The following TNS1 variants were observed in gnomAD, a reference collection of about 807,000 sequenced individuals.
TNS1 encodes tensin 1.
TNS1 carries 62 observed loss-of-function variants against 168.6 expected under a neutral mutation model. The ratio of observed to expected loss-of-function variants is 0.37; its 90% CI spans 0.30 to 0.45. The LOEUF (loss-of-function observed/expected upper bound fraction) is 0.45, where lower values mean the gene tolerates loss of function less well. TNS1 is among the 20% of genes least tolerant of loss of function. TNS1 has a pLI of 1.00. For synonymous variants in TNS1, 934 were observed against 933.2 expected (o/e 1.00, Z -0.02); for missense variants, 2,240 against 2,339.4 (o/e 0.96, Z 0.88).
In TNS1 at chr2:217,918,801, G is replaced by A. The variant is rs142065634; in HGVS notation, c.228+1394C>T. On this transcript the variant is annotated intron_variant, in intron 4 of 32. Transcript: ENST00000682258. Reference sequence around the variant, plus strand: ...TGGTGTCCCTCTGCAATCCAAGCGCGATTTCTTGCTGGCAGTTCCAAGCCC... The same window carrying A: ...TGGTGTCCCTCTGCAATCCAAGCGCAATTTCTTGCTGGCAGTTCCAAGCCC... Among the ~76,000 whole-genome samples the A allele has an allele frequency of 3.9e-3, 565 of 143,568 alleles. 6 individuals are homozygous for A. Among genetic ancestry groups the A allele is most frequent in the African/African-American group, 0.014 (541 of 39,544 alleles). 94.2% of individuals were successfully genotyped at this position (143,568 alleles called of 152,430 possible).
intron 3 of TNS1, among the ~76,000 whole-genome samples, chr2:217,951,441 A>C (rs1325895671): frequency 6.6e-6 from 1 of 152,238 alleles, no homozygotes; most frequent in Non-Finnish European, 1.5e-5. Context: ...TAATCCTGCC[A>C]GCACCCCATT....
intron 3 of TNS1, among the ~76,000 whole-genome samples, chr2:217,960,641 G>A (rs1347138238): frequency 6.6e-6 from 1 of 152,152 alleles, no homozygotes; most frequent in African/African-American, 2.4e-5. Flanking sequence ...CACCCCACCA[G>A]TGCGGGAAGG....
chr2:217,868,410 G>A (rs1253570441), intron 18 of TNS1, among the ~76,000 whole-genome samples: 2 of 152,170 alleles, frequency 1.3e-5, no homozygotes, highest in African/African-American at 4.8e-5. Context: ...AAGATTCACA[G>A]ACACCTAGTT....
chr2:217,833,456 C>T (rs1010620386), intron 21 of TNS1, among the ~76,000 whole-genome samples: 3 of 152,220 alleles, frequency 2.0e-5, no homozygotes, highest in Non-Finnish European at 2.9e-5. Context: ...GACTTCTCAC[C>T]GAGGTACCCA....
chr2:217,905,701 C>T (rs1863797), intron 6 of TNS1, among the ~76,000 whole-genome samples: 2,017 of 152,240 alleles, frequency 0.013, 30 homozygotes, highest in East Asian at 0.066. Context: ...GGGAGTCTGC[C>T]CCTGGGGTGT....
chr2:217,804,631 G>C (rs1559129997), intron 32 of TNS1, 28 bp from the exon 33 acceptor site: 3 of 1,612,996 alleles, frequency 1.9e-6, no homozygotes, highest in Non-Finnish European at 2.5e-6. Flanking sequence ...CAACGGGCAT[G>C]AGGGAAGGGC....
chr2:217,857,698 G>T (rs1331973598), intron 18 of TNS1, among the ~76,000 whole-genome samples: 3 of 152,180 alleles, frequency 2.0e-5, no homozygotes, highest in Non-Finnish European at 4.4e-5. Flanking sequence ...CAAGTGATCT[G>T]CCCTGCCCTG....
intron 2 of TNS1, among the ~76,000 whole-genome samples, chr2:217,983,088 A>C (rs1214278901): frequency 6.6e-6 from 1 of 152,154 alleles, no homozygotes; most frequent in Non-Finnish European, 1.5e-5. Flanking sequence ...GGAGACAGCC[A>C]GTCTGTGAGT....
Position 217,948,451 on chromosome 2 carries a change from C to A in TNS1, c.187-28215G>T, listed in dbSNP as rs886616068. Among the ~76,000 whole-genome samples the A allele has an allele frequency of 6.6e-6, 1 of 152,158 alleles. No homozygotes were observed. Among genetic ancestry groups the A allele is most frequent in the Non-Finnish European group, 1.5e-5 (1 of 68,000 alleles). On this transcript the variant is annotated intron_variant, in intron 3 of 32. Coordinates refer to ENST00000682258, the MANE Select transcript of TNS1 (RefSeq NM_001387777.1). The surrounding 1 kb of genome is among the most constrained non-coding windows in gnomAD (Gnocchi z 4.1). Reference sequence around the variant, plus strand: ...TTCTGGGCCTCTGAATCCTGCTAGGCCCAACACACCCCATAGGGAGCCAGG... The same window carrying A: ...TTCTGGGCCTCTGAATCCTGCTAGGACCAACACACCCCATAGGGAGCCAGG...
intron 1 of TNS1, among the ~76,000 whole-genome samples, chr2:218,025,875 T>C (rs960448758): frequency 1.3e-5 from 2 of 152,082 alleles, no homozygotes; most frequent in Non-Finnish European, 2.9e-5. Context: ...TCCACCTCCA[T>C]GGTTCCCTGT....
chr2:217,942,655 T>A (rs2125944892), intron 3 of TNS1, among the ~76,000 whole-genome samples: 1 of 152,150 alleles, frequency 6.6e-6, no homozygotes, highest in Non-Finnish European at 1.5e-5. Context: ...CCCCTACACC[T>A]TCCCCACTGC....
At chr2:218,020,751 T>C (rs938116693) in intron 1 of TNS1, among the ~76,000 whole-genome samples, 1 of 152,108 alleles carries the variant, frequency 6.6e-6, no homozygotes, top group Non-Finnish European at 1.5e-5. Flanking sequence ...GGCAGAAAAG[T>C]GGAGGCCCAA....
Position 217,880,972 on chromosome 2 carries a change from T to G in TNS1, c.1355A>C (p.Tyr452Ser). 7 of 1,614,110 alleles carry G rather than the reference T, an allele frequency of 4.3e-6. No homozygotes were observed. Among genetic ancestry groups the G allele is most frequent in the Non-Finnish European group, 5.9e-6 (7 of 1,180,026 alleles). The change falls in exon 18 of 33, where the codon TAT (tyrosine) becomes TCT (serine). Residue 452 changes from tyrosine to serine, a missense_variant. Physicochemically the swap from Tyr to Ser is moderately radical, Grantham distance 144 (BLOSUM62 -2). Transcript: ENST00000682258. The surrounding 1 kb of genome is among the most constrained non-coding windows in gnomAD (Gnocchi z 4.2). ...LENGPSVSVD[Y>S]NTSDPLIRWD... is the part of the protein sequence containing the mutation. ...GCGGATGAGGGGGTCGGAGGTGTTATAGTCCACAGACACGCTCGGCCCGTT... is the reference window on the plus strand; with the variant it reads ...GCGGATGAGGGGGTCGGAGGTGTTAGAGTCCACAGACACGCTCGGCCCGTT...
intron 20 of TNS1, 57 bp from the exon 21 acceptor site, chr2:217,835,223 C>G: frequency 6.6e-7 from 1 of 1,521,144 alleles, no homozygotes; most frequent in Non-Finnish European, 9.0e-7. Context: ...GAGATTTCCC[C>G]TTCAGATGAC....
At chr2:217,831,818 T>C (rs1199980605) in intron 21 of TNS1, among the ~76,000 whole-genome samples, 1 of 152,166 alleles carries the variant, frequency 6.6e-6, no homozygotes, top group East Asian at 1.9e-4. Context: ...TTTCCACCCC[T>C]AGGCCCTTAG....
At chr2:217,859,669 T>C (rs1430523800) in intron 18 of TNS1, 1 of 1,536,358 alleles carries the variant, frequency 6.5e-7, no homozygotes, top group South Asian at 1.2e-5. Flanking sequence ...ATGCTTCCAA[T>C]TGACTGGCTA....
intron 1 of TNS1, among the ~76,000 whole-genome samples, chr2:218,020,906 G>T (rs948812949): frequency 2.0e-5 from 3 of 152,236 alleles, no homozygotes; most frequent in Non-Finnish European, 4.4e-5. Flanking sequence ...TTCGGACGAA[G>T]CAAGTGCAAT....
intron 2 of TNS1, among the ~76,000 whole-genome samples, chr2:217,984,767 T>TTC (rs1491179054): frequency 1.5e-4 from 21 of 143,080 alleles, no homozygotes; most frequent in African/African-American, 5.8e-4. Flanking sequence ...TTTTTTTTTT[T>TTC]CCCCCCAAGA....
chr2:217,976,754 C>T (rs367925380), intron 3 of TNS1, among the ~76,000 whole-genome samples: 1 of 152,348 alleles, frequency 6.6e-6, no homozygotes, highest in East Asian at 1.9e-4. Context: ...TCTGGGCCAC[C>T]CATCTCCCCC....
Sources: gnomAD v4.1 joint callset for allele counts (sites outside exome capture counted in the v4.1 genomes callset) on GRCh38, gnomAD v4.1.1 for gene constraint, Gnocchi (gnomAD v3.1) non-coding constraint, MANE v1.5 for transcripts, NCBI Gene and HGNC (gene_info 2026-07-23, HGNC 2026-07-21) for gene names.